The following UBE2D2 variants were observed in gnomAD, a reference collection of about 807,000 sequenced individuals.
UBE2D2 encodes the protein ubiquitin-conjugating enzyme E2 D2.
A neutral mutation model predicts 24.2 loss-of-function variants in UBE2D2; 2 were observed. That is an observed-to-expected ratio of 0.08 (90% CI 0.03 to 0.26). UBE2D2 has a LOEUF of 0.26. Ranked by LOEUF, UBE2D2 falls within the 10% of genes least tolerant of loss-of-function variation. UBE2D2 has a pLI of 1.00. For missense variants in UBE2D2, 44 were observed against 177.6 expected (o/e 0.25, Z 4.28); for synonymous variants, 58 against 56.5 (o/e 1.03, Z -0.12).
chr5:139,619,395 CAA>C (rs372029230), intron 5 of UBE2D2, among the ~76,000 whole-genome samples: 11 of 109,308 alleles, frequency 1.0e-4, no homozygotes, highest in African/African-American at 7.0e-5. Context: ...GAGTCTGTCT[CAA>C]AAAAAAAAAA....
intron 1 of UBE2D2, among the ~76,000 whole-genome samples, chr5:139,586,542 G>C (rs930944556): frequency 6.6e-6 from 1 of 152,162 alleles, no homozygotes; most frequent in African/African-American, 2.4e-5. Context: ...GAGGCGGGCG[G>C]ATCACGAGGT....
chr5:139,585,611 T>C (rs1446183909), intron 1 of UBE2D2, among the ~76,000 whole-genome samples: 1 of 152,132 alleles, frequency 6.6e-6, no homozygotes, highest in African/African-American at 2.4e-5. Context: ...TGTGCCTTTG[T>C]AAGTATTTGA....
intron 1 of UBE2D2, among the ~76,000 whole-genome samples, chr5:139,576,103 A>G (rs1027395972): frequency 6.6e-6 from 1 of 152,224 alleles, no homozygotes; most frequent in Non-Finnish European, 1.5e-5. Flanking sequence ...AAATAATAGC[A>G]CACTAATGGA....
chr5:139,544,921 T>C lies in UBE2D2; in HGVS notation c.-64+18309T>C, dbSNP rs1343298892. Among the ~76,000 whole-genome samples, 3 of 151,916 alleles carry C rather than the reference T, an allele frequency of 2.0e-5. 1 individual carries two copies. Among genetic ancestry groups the C allele is most frequent in the Middle Eastern group, 6.3e-3 (2 of 316 alleles). On this transcript the variant is annotated intron_variant, in intron 1 of 6. Coordinates refer to the UBE2D2 transcript ENST00000511725. ...CCTCCCAAGTAGCTGGGACTACAGG[T>C]GTGCATCACCACGCCCGGCTAATTT... is the stretch of plus-strand genomic sequence containing the variant.
At chr5:139,561,872 C>T (rs1561502932) in intron 1 of UBE2D2, 57 bp downstream of exon 1, 3 of 1,426,900 alleles carry the variant, frequency 2.1e-6, no homozygotes, top group East Asian at 5.6e-5. Flanking sequence ...GCGGCCTGCA[C>T]TTCCCGCCGT....
At chr5:139,611,472 G>C (rs1397322502) in intron 2 of UBE2D2, among the ~76,000 whole-genome samples, 1 of 152,104 alleles carries the variant, frequency 6.6e-6, no homozygotes, top group Non-Finnish European at 1.5e-5. Flanking sequence ...ACAGGCGTGA[G>C]CTACCACACC....
chr5:139,544,518 T>TGACCTCAGGTGATCTACC (rs1440572960), intron 1 of UBE2D2, among the ~76,000 whole-genome samples: 1 of 150,978 alleles, frequency 6.6e-6, no homozygotes, highest in Non-Finnish European at 1.5e-5. Flanking sequence ...CTTGAACTCT[T>TGACCTCAGGTGATCTACC]GACCTCAGGT....
intron 1 of UBE2D2, among the ~76,000 whole-genome samples, chr5:139,585,838 G>A (rs913538160): frequency 1.3e-5 from 2 of 150,342 alleles, no homozygotes; most frequent in African/African-American, 4.9e-5. Context: ...TAGGGAGGCT[G>A]AGGGAGGGGA....
intron 2 of UBE2D2, among the ~76,000 whole-genome samples, chr5:139,605,363 C>T (rs902777785): frequency 2.0e-5 from 3 of 151,828 alleles, no homozygotes; most frequent in Admixed American, 1.3e-4. Flanking sequence ...GAGGCCGAGG[C>T]GGGCGGATCA....
chr5:139,616,843 C>T (rs1394586425), intron 5 of UBE2D2, among the ~76,000 whole-genome samples: 9 of 152,036 alleles, frequency 5.9e-5, no homozygotes, highest in Non-Finnish European at 5.9e-5. Flanking sequence ...AGGTTACTTA[C>T]AGTAGAGGAA....
chr5:139,580,288 C>G (rs1753568650), intron 1 of UBE2D2, among the ~76,000 whole-genome samples: 2 of 151,968 alleles, frequency 1.3e-5, no homozygotes, highest in South Asian at 4.2e-4. Context: ...TGGTCTCGAA[C>G]TCCCGGGCTC....
chr5:139,560,960 C>T (rs373311897), upstream of UBE2D2, among the ~76,000 whole-genome samples: 39 of 152,342 alleles, frequency 2.6e-4, no homozygotes, highest in African/African-American at 8.4e-4. Context: ...AAGTCCCTTC[C>T]TCCTTCAGGA....
chr5:139,550,675 C>T lies in UBE2D2; in HGVS notation c.-64+24063C>T, dbSNP rs111328541. On this transcript the variant is annotated intron_variant, in intron 1 of 6. Coordinates refer to the UBE2D2 transcript ENST00000511725. ...TAACACTCTTCGTGAAGCTCTGCAG[C>T]CTCAATCCTGAGGCCACCGAGACCA... Among the ~76,000 whole-genome samples the T allele has an allele frequency of 3.2e-3, 483 of 149,890 alleles. 3 individuals carry two copies. Among genetic ancestry groups the T allele is most frequent in the African/African-American group, 0.011 (451 of 40,706 alleles).
intron 1 of UBE2D2, among the ~76,000 whole-genome samples, chr5:139,534,035 C>A (rs1025118806): frequency 2.6e-5 from 4 of 151,852 alleles, no homozygotes; most frequent in Non-Finnish European, 5.9e-5. Context: ...CCCGCCTCAG[C>A]CTCTCAAAGT....
intron 5 of UBE2D2, among the ~76,000 whole-genome samples, chr5:139,622,675 G>A (rs574462265): frequency 6.8e-4 from 103 of 150,792 alleles, no homozygotes; most frequent in Middle Eastern, 3.4e-3. Context: ...GGATCACGAG[G>A]TCAGGAGATC....
chr5:139,595,304 A>C (rs547081494), intron 1 of UBE2D2, among the ~76,000 whole-genome samples: 18 of 152,250 alleles, frequency 1.2e-4, no homozygotes, highest in Non-Finnish European at 1.0e-4. Context: ...CATGATGTAG[A>C]GATATCAGTT....
chr5:139,580,402 C>T (rs1237873521), intron 1 of UBE2D2, among the ~76,000 whole-genome samples: 2 of 152,070 alleles, frequency 1.3e-5, no homozygotes, highest in Non-Finnish European at 2.9e-5. Flanking sequence ...GAGTGGATGG[C>T]TTGAGTCCAG....
At chr5:139,541,555 G>C (rs1396557842) in intron 1 of UBE2D2, among the ~76,000 whole-genome samples, 1 of 143,958 alleles carries the variant, frequency 6.9e-6, no homozygotes, top group Non-Finnish European at 1.5e-5. Flanking sequence ...AGCCAAGATC[G>C]GGCCACTGCA....
chr5:139,581,462 A>G (rs1486240638), intron 1 of UBE2D2, among the ~76,000 whole-genome samples: 1 of 152,116 alleles, frequency 6.6e-6, no homozygotes, highest in Non-Finnish European at 1.5e-5. Flanking sequence ...AAAAAAAAGT[A>G]GAGGTTGAGC....
Sources: allele counts gnomAD v4.1 joint callset (sites outside exome capture counted in the v4.1 genomes callset), GRCh38; gene constraint gnomAD v4.1.1; transcripts MANE v1.5; gene names NCBI Gene and HGNC (gene_info 2026-07-23, HGNC 2026-07-21).